The following CTNNA3 variants were observed in gnomAD, a reference collection of about 807,000 sequenced individuals.
The protein encoded by CTNNA3 is catenin alpha-3.
A neutral mutation model predicts 95.7 loss-of-function variants in CTNNA3; 76 were observed. The observed-to-expected ratio is 0.79, with a 90% confidence interval of 0.66 to 0.96. CTNNA3 has a LOEUF of 0.96. Ranked by LOEUF, CTNNA3 falls within the 40% of genes least tolerant of loss-of-function variation. CTNNA3 has a pLI of 0.00. For missense variants in CTNNA3, 1,191 were observed against 1,089.8 expected, an observed-to-expected ratio of 1.09 and a Z score of -1.31; for synonymous variants, 431 against 374.4, an observed-to-expected ratio of 1.15 and a Z score of -1.74.
At chr10:67,590,918 G>C (rs1482135312) in intron 3 of CTNNA3, among the ~76,000 whole-genome samples, 1 of 152,034 alleles carries the variant, frequency 6.6e-6, no homozygotes, top group East Asian at 1.9e-4. Flanking sequence ...CTTTGAGCTA[G>C]TAAAATGTAT....
chr10:67,206,111 G>T (rs866297832), intron 6 of CTNNA3, among the ~76,000 whole-genome samples: 17 of 152,184 alleles, frequency 1.1e-4, no homozygotes, highest in Non-Finnish European at 1.6e-4. Context: ...GATATAAAAA[G>T]TTCCTTTGGA....
chr10:66,745,293 C>T (rs1450271682), intron 9 of CTNNA3, among the ~76,000 whole-genome samples: 1 of 152,228 alleles, frequency 6.6e-6, no homozygotes, highest in South Asian at 2.1e-4. Flanking sequence ...GTCCAGATTA[C>T]CTCATATTTA....
chr10:66,857,929 T>C (rs1843744259), intron 7 of CTNNA3, among the ~76,000 whole-genome samples: 1 of 152,110 alleles, frequency 6.6e-6, no homozygotes, highest in African/African-American at 2.4e-5. Context: ...TGGCTAGAAC[T>C]TTCAGTACTA....
chr10:67,618,708 G>A (rs1439306480), intron 2 of CTNNA3, among the ~76,000 whole-genome samples: 1 of 152,192 alleles, frequency 6.6e-6, no homozygotes, highest in Non-Finnish European at 1.5e-5. Context: ...TAGATTTGCA[G>A]GGCTGAAGAT....
At position 67,342,170 on chromosome 10, in the gene CTNNA3, C is replaced by T. The variant is rs1842230127; in HGVS notation, c.580-122300G>A. Among the ~76,000 whole-genome samples the T allele has an allele frequency of 2.1e-5, 3 of 141,466 alleles. No homozygotes were observed. In the South Asian group the frequency reaches 6.8e-4, roughly 32 times the overall value. The allele number at this position is 141,466 out of a possible 152,430, so 92.8% of individuals were successfully genotyped here. ...AGGCTGGAGTGCAAAGGCGCGGTCTCGGCTCACGGCAAGCTCCGCCTCCCG... is the reference window on the plus strand; with the variant it reads ...AGGCTGGAGTGCAAAGGCGCGGTCTTGGCTCACGGCAAGCTCCGCCTCCCG... On this transcript the variant is annotated intron_variant, in intron 5 of 17. Transcript: ENST00000433211.
intron 11 of CTNNA3, among the ~76,000 whole-genome samples, chr10:66,504,995 T>C (rs1840402388): frequency 6.6e-6 from 1 of 152,150 alleles, no homozygotes; most frequent in South Asian, 2.1e-4. Context: ...CTTAGGGCTA[T>C]TTACTTTATC....
intron 5 of CTNNA3, among the ~76,000 whole-genome samples, chr10:67,344,595 A>G (rs1255461501): frequency 2.0e-5 from 3 of 151,664 alleles, no homozygotes; most frequent in Non-Finnish European, 4.4e-5. Flanking sequence ...GTGTCTACGA[A>G]TTTTTCCATT....
intron 5 of CTNNA3, among the ~76,000 whole-genome samples, chr10:67,432,900 T>C (rs545555019): frequency 7.9e-5 from 12 of 152,190 alleles, no homozygotes; most frequent in Non-Finnish European, 1.5e-4. Context: ...GCTGACTTTA[T>C]AGACTGATTT....
At chr10:66,213,047 C>T (rs909399679) in intron 13 of CTNNA3, among the ~76,000 whole-genome samples, 1 of 152,012 alleles carries the variant, frequency 6.6e-6, no homozygotes, top group Non-Finnish European at 1.5e-5. Flanking sequence ...CTTTTTGCCC[C>T]ATGTTACACA....
At chr10:67,346,368 T>C (rs1564583608) in intron 5 of CTNNA3, among the ~76,000 whole-genome samples, 1 of 152,208 alleles carries the variant, frequency 6.6e-6, no homozygotes, top group African/African-American at 2.4e-5. Flanking sequence ...AATATACTTT[T>C]CTTTCTAATT....
intron 15 of CTNNA3, among the ~76,000 whole-genome samples, chr10:66,028,129 T>C (rs2079378035): frequency 1.3e-5 from 2 of 152,144 alleles, no homozygotes; most frequent in South Asian, 4.1e-4. Flanking sequence ...AAAAATCAGT[T>C]TTTTAAAAAA....
chr10:66,219,586 A>T, intron 13 of CTNNA3, among the ~76,000 whole-genome samples: 1 of 151,878 alleles, frequency 6.6e-6, no homozygotes, highest in East Asian at 1.9e-4. Context: ...GCCACATGAG[A>T]AACCTTAGAG....
chr10:66,206,393 T>C (rs2087756360), intron 13 of CTNNA3, among the ~76,000 whole-genome samples: 1 of 151,840 alleles, frequency 6.6e-6, no homozygotes, highest in African/African-American at 2.4e-5. Context: ...AATAAATGAG[T>C]GAACGGGAAT....
chr10:66,796,399 C>T (rs1228256431), intron 7 of CTNNA3, among the ~76,000 whole-genome samples: 1 of 152,016 alleles, frequency 6.6e-6, no homozygotes, highest in Non-Finnish European at 1.5e-5. Context: ...ACACCCTTAT[C>T]AATTAATTTA....
chr10:66,208,854 C>T (rs1462831), intron 13 of CTNNA3, among the ~76,000 whole-genome samples: 44,163 of 151,842 alleles, frequency 0.29, 7,558 homozygotes, highest in Admixed American at 0.38. Context: ...TTCTTCCATC[C>T]TAGTCACCAA....
At chr10:66,871,164 A>G (rs566040866) in intron 7 of CTNNA3, among the ~76,000 whole-genome samples, 17 of 152,320 alleles carry the variant, frequency 1.1e-4, no homozygotes, top group Non-Finnish European at 1.9e-4. Flanking sequence ...CAGAGGGCGA[A>G]TAAAGCTGAC....
At chr10:66,933,851 GC>G (rs1847543367) in intron 7 of CTNNA3, among the ~76,000 whole-genome samples, 2 of 152,144 alleles carry the variant, frequency 1.3e-5, no homozygotes, top group Admixed American at 6.6e-5. Flanking sequence ...ATATGAAGTA[GC>G]AGGTGTATTT....
intron 7 of CTNNA3, among the ~76,000 whole-genome samples, chr10:67,015,025 T>C (rs1254318441): frequency 6.6e-6 from 1 of 152,114 alleles, no homozygotes; most frequent in Non-Finnish European, 1.5e-5. Flanking sequence ...TGTTTTCTTT[T>C]CTACAAGGGC....
At chr10:67,668,832 C>CT (rs869150567) in intron 1 of CTNNA3, among the ~76,000 whole-genome samples, 4,863 of 90,054 alleles carry the variant, frequency 0.054, 329 homozygotes, top group East Asian at 0.39. Flanking sequence ...TACTGTGTTT[C>CT]TTTTTTTTTT....
Sources: gnomAD v4.1 joint callset for allele counts (sites outside exome capture counted in the v4.1 genomes callset) on GRCh38, gnomAD v4.1.1 for gene constraint, MANE v1.5 for transcripts, NCBI Gene and HGNC (gene_info 2026-07-23, HGNC 2026-07-21) for gene names.